The following GALNTL6 variants were observed in gnomAD, a reference collection of about 807,000 sequenced individuals.
GALNTL6 encodes polypeptide N-acetylgalactosaminyltransferase-like 6.
GALNTL6 carries 46 observed loss-of-function variants against 73.7 expected under a neutral mutation model. The ratio of observed to expected loss-of-function variants is 0.62; its 90% CI spans 0.49 to 0.80. GALNTL6 has a LOEUF of 0.80. Ranked by LOEUF, GALNTL6 falls within the 30% of genes least tolerant of loss-of-function variation. GALNTL6 has a pLI of 0.00. For missense variants in GALNTL6, 604 were observed against 755.0 expected (o/e 0.80, Z 2.34); for synonymous variants, 259 against 263.7 (o/e 0.98, Z 0.17).
intron 7 of GALNTL6, among the ~76,000 whole-genome samples, chr4:172,858,669 G>A (rs780252314): frequency 5.9e-5 from 9 of 152,126 alleles, no homozygotes; most frequent in Non-Finnish European, 1.2e-4. Context: ...TCATGGCATA[G>A]TGTTGATGAG....
At chr4:172,126,183 A>T (rs1733288727) in intron 2 of GALNTL6, among the ~76,000 whole-genome samples, 1 of 152,190 alleles carries the variant, frequency 6.6e-6, no homozygotes, top group Non-Finnish European at 1.5e-5. Flanking sequence ...TCAAATATAT[A>T]TAGTTTTTCT....
At chr4:172,998,703 C>A (rs1751905157) in intron 10 of GALNTL6, among the ~76,000 whole-genome samples, 1 of 152,128 alleles carries the variant, frequency 6.6e-6, no homozygotes, top group South Asian at 2.1e-4. Context: ...TGAAATTTGA[C>A]ACTGCAGCTC....
intron 10 of GALNTL6, among the ~76,000 whole-genome samples, chr4:172,953,511 G>A (rs1421390044): frequency 6.6e-6 from 1 of 152,230 alleles, no homozygotes; most frequent in African/African-American, 2.4e-5. Flanking sequence ...CCTAGATAGT[G>A]TCTGTGGCTG....
chr4:172,260,008 T>C (rs908278815), intron 3 of GALNTL6, among the ~76,000 whole-genome samples: 1 of 149,990 alleles, frequency 6.7e-6, no homozygotes, highest in African/African-American at 2.4e-5. Context: ...TTGGTAACTA[T>C]AACCAAAGTG....
At chr4:172,827,500 A>G (rs1159978953) in intron 7 of GALNTL6, among the ~76,000 whole-genome samples, 2 of 152,280 alleles carry the variant, frequency 1.3e-5, no homozygotes, top group Non-Finnish European at 2.9e-5. Flanking sequence ...AGTGGGGACA[A>G]TCCCTCTATG....
chr4:172,531,953 G>A (rs1735182950), intron 5 of GALNTL6, among the ~76,000 whole-genome samples: 1 of 152,194 alleles, frequency 6.6e-6, no homozygotes, highest in South Asian at 2.1e-4. Context: ...CAAAGATAAA[G>A]TTATTAAGAG....
At chr4:172,327,503 C>G (rs1473351530) in intron 4 of GALNTL6, among the ~76,000 whole-genome samples, 1 of 152,082 alleles carries the variant, frequency 6.6e-6, no homozygotes, top group African/African-American at 2.4e-5. Flanking sequence ...GTTGAAGTCT[C>G]CCAGTGTTAT....
intron 5 of GALNTL6, among the ~76,000 whole-genome samples, chr4:172,631,522 G>A (rs183355549): frequency 1.5e-3 from 222 of 152,228 alleles, no homozygotes; most frequent in Non-Finnish European, 6.3e-4. Context: ...ATGTTTTTCC[G>A]ACTGTCAATA....
At chr4:172,370,624 C>A (rs1289574684) in intron 5 of GALNTL6, among the ~76,000 whole-genome samples, 1 of 113,702 alleles carries the variant, frequency 8.8e-6, no homozygotes, top group East Asian at 2.8e-4. Flanking sequence ...GAGTGAGACT[C>A]CATCTCAAAA....
At chr4:172,406,141 A>G (rs1289118325) in intron 5 of GALNTL6, among the ~76,000 whole-genome samples, 3 of 151,972 alleles carry the variant, frequency 2.0e-5, no homozygotes, top group Non-Finnish European at 4.4e-5. Flanking sequence ...AGTATTATGT[A>G]TATATTAATA....
At chr4:171,999,275 C>T (rs2110755027) in intron 2 of GALNTL6, among the ~76,000 whole-genome samples, 1 of 152,224 alleles carries the variant, frequency 6.6e-6, no homozygotes, top group Non-Finnish European at 1.5e-5. Context: ...CCATAATGAC[C>T]TCTACAATTG....
chr4:172,052,944 T>A (rs551726740), intron 2 of GALNTL6, among the ~76,000 whole-genome samples: 8 of 152,252 alleles, frequency 5.3e-5, no homozygotes, highest in African/African-American at 1.9e-4. Flanking sequence ...AAAACAATAG[T>A]TACATGAAGT....
At chr4:172,111,193 A>G (rs1045595521) in intron 2 of GALNTL6, among the ~76,000 whole-genome samples, 1 of 152,072 alleles carries the variant, frequency 6.6e-6, no homozygotes, top group Non-Finnish European at 1.5e-5. Context: ...AGGTTTTCTC[A>G]TATTTTAATT....
chr4:172,178,551 A>G (rs1735124422), intron 2 of GALNTL6, among the ~76,000 whole-genome samples: 1 of 151,902 alleles, frequency 6.6e-6, no homozygotes, highest in Non-Finnish European at 1.5e-5. Flanking sequence ...TTGTTTGCTG[A>G]GAATGATGGT....
intron 3 of GALNTL6, among the ~76,000 whole-genome samples, chr4:172,279,814 G>A (rs1738977705): frequency 6.6e-6 from 1 of 152,118 alleles, no homozygotes; most frequent in Admixed American, 6.6e-5. Context: ...GCCAAGAGTT[G>A]TGGAAGCAAT....
intron 2 of GALNTL6, among the ~76,000 whole-genome samples, chr4:172,021,989 G>T (rs989667983): frequency 1.3e-5 from 2 of 151,886 alleles, no homozygotes; most frequent in African/African-American, 4.8e-5. Flanking sequence ...ACTACTAAAA[G>T]AAAATACTGA....
chr4:172,764,790 C>T (rs1463819915), intron 5 of GALNTL6, among the ~76,000 whole-genome samples: 2 of 152,042 alleles, frequency 1.3e-5, no homozygotes, highest in African/African-American at 4.8e-5. Flanking sequence ...ATATGTACTC[C>T]TGTACATAAA....
At chr4:172,659,667 C>T (rs899181218) in intron 5 of GALNTL6, among the ~76,000 whole-genome samples, 1 of 152,146 alleles carries the variant, frequency 6.6e-6, no homozygotes, top group Non-Finnish European at 1.5e-5. Flanking sequence ...GTTATTCAAT[C>T]CAGCACTAAT....
intron 5 of GALNTL6, among the ~76,000 whole-genome samples, chr4:172,770,392 A>C (rs1462158207): frequency 1.3e-5 from 2 of 152,130 alleles, no homozygotes; most frequent in Non-Finnish European, 2.9e-5. Flanking sequence ...TTTACTGTGA[A>C]GGAATTTTTG....
Sources: gnomAD v4.1 joint callset for allele counts (sites outside exome capture counted in the v4.1 genomes callset) on GRCh38, gnomAD v4.1.1 for gene constraint, MANE v1.5 for transcripts, NCBI Gene and HGNC (gene_info 2026-07-23, HGNC 2026-07-21) for gene names.